The following IL2RA variants were observed in gnomAD, a reference collection of about 807,000 sequenced individuals.
IL2RA encodes the protein interleukin 2 receptor subunit alpha, also known as interleukin-2 receptor subunit alpha.
IL2RA carries 24 observed loss-of-function variants against 37.8 expected under a neutral mutation model. The ratio of observed to expected loss-of-function variants is 0.63; its 90% CI spans 0.46 to 0.89. IL2RA has a LOEUF of 0.89. Among genes scored for constraint, IL2RA ranks in the 40% least tolerant of loss-of-function variants. The probability of loss-of-function intolerance (pLI) is 0.00; values close to 1 mark genes in which losing one functional copy is unlikely to be tolerated. For missense variants in IL2RA, 319 were observed against 348.6 expected (o/e 0.92, Z 0.68); for synonymous variants, 125 against 114.6 (o/e 1.09, Z -0.58).
chr10:6,014,803 C>A lies in IL2RA; in HGVS notation c.795-1907G>T, dbSNP rs546080086. On this transcript the variant is annotated intron_variant, in intron 7 of 7. Transcript: ENST00000379959. This position sits in a 1 kb window ranked among gnomAD's most constrained non-coding sequence, Gnocchi z 4.4. ...ATAACCCTAGGGGGCTTATCATTTG[C>A]ACTGCAGTAATTTATACTTTTTAAT... 1.3e-5 allele frequency among the ~76,000 whole-genome samples: 2 copies of A among 152,180 alleles called. No homozygotes were observed. The highest frequency in any genetic ancestry group is 2.9e-5 in the Non-Finnish European group (2 of 68,046).
rs113179360 is a variant in IL2RA, at chr10:6,028,718, T to C, written c.65-2693A>G. 2.3e-3 allele frequency among the ~76,000 whole-genome samples: 350 copies of C among 152,132 alleles called. No individual in the cohort carries two copies. Among genetic ancestry groups the C allele is most frequent in the African/African-American group, 7.9e-3 (327 of 41,512 alleles). ...GCTCAATAGAAACAGACCCGTAAAA[T>C]TGGGTGTGGTGGCTCATGCCTGTAA... On this transcript the variant is annotated intron_variant, in intron 1 of 7. Transcript: ENST00000379959. This position sits in a 1 kb window ranked among gnomAD's most constrained non-coding sequence, Gnocchi z 4.1.
Position 6,018,037 on chromosome 10 carries a change from G to A in IL2RA, c.794+16C>T, listed in dbSNP as rs1394328343. On this transcript the variant is annotated intron_variant, in intron 7 of 7. Coordinates refer to ENST00000379959, the MANE Select transcript of IL2RA (RefSeq NM_000417.3). This position sits in a 1 kb window ranked among gnomAD's most constrained non-coding sequence, Gnocchi z 5.1. ...TTTGATCTGACCAAGGGCTGCCTTG[G>A]TGATGCCACACTTACTGTCTCCGCT... The A allele has an allele frequency of 6.2e-7, 1 of 1,611,664 alleles. No individual in the cohort carries two copies. Among genetic ancestry groups the A allele is most frequent in the South Asian group, 1.1e-5 (1 of 90,842 alleles).
chr10:6,016,059 A>G (rs750487650), intron 7 of IL2RA, among the ~76,000 whole-genome samples: 48 of 152,210 alleles, frequency 3.2e-4, no homozygotes, highest in Non-Finnish European at 5.1e-4. Context: ...TGGTTTGAAT[A>G]CATCCCCCAG....
At position 6,044,756 on chromosome 10, in the gene IL2RA, T is replaced by C. The variant is rs2132885853; in HGVS notation, c.64+17332A>G. On this transcript the variant is annotated intron_variant, in intron 1 of 7. Transcript: ENST00000379959. The surrounding 1 kb of genome is among the most constrained non-coding windows in gnomAD (Gnocchi z 4.5). ...GGAAAAAATAAGACAGTGCAAAATA[T>C]AAGTGGTGGTATAGGGACTTCACCT... Among the ~76,000 whole-genome samples the C allele has an allele frequency of 6.6e-6, 1 of 152,268 alleles. No individual in the cohort carries two copies. The highest frequency in any genetic ancestry group is 1.9e-4 in the East Asian group (1 of 5,184).
Position 6,012,654 on chromosome 10 carries a change from G to C in IL2RA, c.*218C>G. The stretch of plus-strand genomic sequence containing the variant: ...TCAACGGCGAAATTGCTATTTAGAA[G>C]TGGGTAGCGCTCGCTCTCTGATGGG... On this transcript the variant is annotated 3_prime_UTR_variant, in exon 8 of 8. Coordinates refer to ENST00000379959, the MANE Select transcript of IL2RA (RefSeq NM_000417.3). The surrounding 1 kb of genome is among the most constrained non-coding windows in gnomAD (Gnocchi z 4.8). The C allele has an allele frequency of 1.6e-6, 1 of 611,224 alleles. No individual in the cohort carries two copies. Among genetic ancestry groups the C allele is most frequent in the Non-Finnish European group, 2.9e-6 (1 of 339,724 alleles). The allele number at this position is 611,224 out of a possible 1,614,324, so 37.9% of individuals were successfully genotyped here.
In IL2RA at chr10:6,062,191, G is replaced by C. The variant is rs760443523; in HGVS notation, c.-40C>G. 1 of 1,566,702 alleles carries C rather than the reference G, an allele frequency of 6.4e-7. No individual in the cohort carries two copies. The highest frequency in any genetic ancestry group is 8.8e-7 in the Non-Finnish European group (1 of 1,136,862). On this transcript the variant is annotated 5_prime_UTR_variant, in exon 1 of 8. Coordinates refer to ENST00000379959, the MANE Select transcript of IL2RA (RefSeq NM_000417.3). ...GGACCAGCCGGGGCAGTGAAGCGGA[G>C]GTCTTTCTCTGCAGAAGGCCCAGTT...
Position 6,054,595 on chromosome 10 carries a change from C to A in IL2RA, c.64+7493G>T, listed in dbSNP as rs1030088010. The stretch of plus-strand genomic sequence containing the variant: ...TCATTATGTAGTTGTCCTGGCAAAC[C>A]CCTCATCTCTCTAATTGGTCAGCTC... On this transcript the variant is annotated intron_variant, in intron 1 of 7. Transcript: ENST00000379959. The surrounding 1 kb of genome is among the most constrained non-coding windows in gnomAD (Gnocchi z 4.5). Among the ~76,000 whole-genome samples the A allele has an allele frequency of 3.3e-5, 5 of 151,764 alleles. No individual in the cohort carries two copies. The highest frequency in any genetic ancestry group is 7.4e-5 in the Non-Finnish European group (5 of 67,960).
chr10:6,046,458 T>G lies in IL2RA; in HGVS notation c.64+15630A>C, dbSNP rs915136409. 6.6e-6 allele frequency among the ~76,000 whole-genome samples: 1 copy of G among 152,180 alleles called. No individual in the cohort carries two copies. Among genetic ancestry groups the G allele is most frequent in the Non-Finnish European group, 1.5e-5 (1 of 68,032 alleles). Reference sequence around the variant, plus strand: ...GGTAAGACAATGACATTTCAGGCACTGTGGGATTGATGGAGTGGACAGCAT... The same window carrying G: ...GGTAAGACAATGACATTTCAGGCACGGTGGGATTGATGGAGTGGACAGCAT... On this transcript the variant is annotated intron_variant, in intron 1 of 7. Transcript: ENST00000379959. The surrounding 1 kb of genome is among the most constrained non-coding windows in gnomAD (Gnocchi z 4.8).
At chr10:6,017,480 A>G (rs1839298809) in intron 7 of IL2RA, among the ~76,000 whole-genome samples, 1 of 152,150 alleles carries the variant, frequency 6.6e-6, no homozygotes, top group Non-Finnish European at 1.5e-5. Flanking sequence ...GTAGATTTCA[A>G]TAATGTTTAT....
In IL2RA at chr10:6,044,032, A is replaced by C. The variant is rs791594; in HGVS notation, c.65-18007T>G. ...CAGAGAAAGAAACCCCCCTCTCCCC[A>C]AACTCAGTGGCAAGTCCACAGCGGG... On this transcript the variant is annotated intron_variant, in intron 1 of 7. Transcript: ENST00000379959. The surrounding 1 kb of genome is among the most constrained non-coding windows in gnomAD (Gnocchi z 4.5). Among the ~76,000 whole-genome samples the C allele has an allele frequency of 1, 151,656 of 152,340 alleles. 75,494 individuals are homozygous for C. Among genetic ancestry groups the C allele is most frequent in the Middle Eastern group, 1 (294 of 294 alleles).
At chr10:6,031,474 A>ATATATATATATG (rs1564545924) in intron 1 of IL2RA, among the ~76,000 whole-genome samples, 13 of 28,234 alleles carry the variant, frequency 4.6e-4, no homozygotes, top group Non-Finnish European at 7.0e-4. Flanking sequence ...ATATATATAT[A>ATATATATATATG]TATATATATA....
chr10:6,034,890 GGAA>G (rs1839656321), intron 1 of IL2RA, among the ~76,000 whole-genome samples: 2 of 152,206 alleles, frequency 1.3e-5, no homozygotes, highest in South Asian at 4.1e-4. Context: ...TTAGAAGAGG[GGAA>G]GGGGAATATT....
intron 1 of IL2RA, among the ~76,000 whole-genome samples, chr10:6,053,753 C>T (rs779784223): frequency 1.2e-4 from 19 of 152,224 alleles, no homozygotes; most frequent in Admixed American, 1.0e-3. Flanking sequence ...TCTTGGCCCC[C>T]CAAAGTGCTG....
intron 1 of IL2RA, among the ~76,000 whole-genome samples, chr10:6,059,283 T>C (rs1840090378): frequency 6.6e-6 from 1 of 152,148 alleles, no homozygotes; most frequent in Middle Eastern, 3.2e-3. Context: ...CTGACCCTGT[T>C]TGCAATGAAC....
rs889830426 is a variant in IL2RA, at chr10:6,062,313, G to A, written c.-162C>T. 11 of 628,784 alleles carry A rather than the reference G, an allele frequency of 1.7e-5. No homozygotes were observed. The highest frequency in any genetic ancestry group is 3.2e-5 in the Non-Finnish European group (11 of 344,284). 39.0% of individuals were successfully genotyped at this position (628,784 alleles called of 1,614,324 possible). A position where few individuals can be genotyped will look rare whatever the true frequency, so the allele number is the denominator to read the frequency against. On this transcript the variant is annotated 5_prime_UTR_variant, in exon 1 of 8. Transcript: ENST00000379959. Reference sequence around the variant, plus strand: ...CTTGTGGGTCCATCCAGTCTCTATCGGAGTCAGGAGTTGCTCTCTTTAAGT... The same window carrying A: ...CTTGTGGGTCCATCCAGTCTCTATCAGAGTCAGGAGTTGCTCTCTTTAAGT...
chr10:6,031,205 A>G (rs1335606909), intron 1 of IL2RA, among the ~76,000 whole-genome samples: 2 of 151,740 alleles, frequency 1.3e-5, no homozygotes, highest in African/African-American at 4.8e-5. Context: ...GGGCCCAACT[A>G]TATGCTGTCT....
Position 6,036,829 on chromosome 10 carries a change from T to G in IL2RA, c.65-10804A>C, listed in dbSNP as rs567551834. 2.0e-5 allele frequency among the ~76,000 whole-genome samples: 3 copies of G among 151,356 alleles called. No individual in the cohort carries two copies. The highest frequency in any genetic ancestry group is 7.4e-5 in the African/African-American group (3 of 40,696). ...ACACCACTGCTGAAGAAGAAGGATA[T>G]CCCGGTTGGCTGCTCTAGAGCCGGC... is the stretch of plus-strand genomic sequence containing the variant. On this transcript the variant is annotated intron_variant, in intron 1 of 7. Transcript: ENST00000379959. This position sits in a 1 kb window ranked among gnomAD's most constrained non-coding sequence, Gnocchi z 6.1.
At position 6,025,846 on chromosome 10, in the gene IL2RA, A is replaced by G; in HGVS notation, c.244T>C (p.Cys82Arg). The change falls in exon 2 of 8, where the codon TGC becomes CGC. Residue 82 changes from cysteine to arginine, a missense_variant. Physicochemically the swap from Cys to Arg is radical, Grantham distance 180. Coordinates refer to ENST00000379959, the MANE Select transcript of IL2RA (RefSeq NM_000417.3). This position sits in a 1 kb window ranked among gnomAD's most constrained non-coding sequence, Gnocchi z 4.4. ...AAGGGACACTTACCAGAGCTTGTGC[A>G]TTGACATTGGTTGTCCCAGGACGAG... ...SHSSWDNQCQ[C>R]TSSATRNTTK... The G allele has an allele frequency of 1.2e-6, 2 of 1,614,180 alleles. No homozygotes were observed. The highest frequency in any genetic ancestry group is 1.7e-6 in the Non-Finnish European group (2 of 1,180,018).
Position 6,022,016 on chromosome 10 carries a change from C to T in IL2RA, c.368-323G>A, listed in dbSNP as rs528402556. On this transcript the variant is annotated intron_variant, in intron 3 of 7. Coordinates refer to ENST00000379959, the MANE Select transcript of IL2RA (RefSeq NM_000417.3). This position sits in a 1 kb window ranked among gnomAD's most constrained non-coding sequence, Gnocchi z 4.7. ...GGTTGGTGCGGCCCCGAGACAGGAACGCCACAACTGCCTCTTGGAAGACAG... is the reference window on the plus strand; with the variant it reads ...GGTTGGTGCGGCCCCGAGACAGGAATGCCACAACTGCCTCTTGGAAGACAG... 1.4e-4 allele frequency among the ~76,000 whole-genome samples: 22 copies of T among 152,148 alleles called. No homozygotes were observed. Among genetic ancestry groups the T allele is most frequent in the African/African-American group, 4.3e-4 (18 of 41,504 alleles).
Sources: allele counts gnomAD v4.1 joint callset (sites outside exome capture counted in the v4.1 genomes callset), GRCh38; gene constraint gnomAD v4.1.1; non-coding constraint Gnocchi (gnomAD v3.1); transcripts MANE v1.5; gene names NCBI Gene and HGNC (gene_info 2026-07-23, HGNC 2026-07-21).